Variants in BACH1 observed in about 807,000 individuals in gnomAD.
BACH1 encodes BTB domain and CNC homolog 1.
BACH1 carries 35 observed loss-of-function variants against 52.9 expected under a neutral mutation model. That is an observed-to-expected ratio of 0.66 (90% CI 0.51 to 0.88). The LOEUF (loss-of-function observed/expected upper bound fraction) is 0.88, where lower values mean the gene tolerates loss of function less well. Ranked by LOEUF, BACH1 falls within the 40% of genes least tolerant of loss-of-function variation. The pLI is 0.00. For synonymous variants in BACH1, 321 were observed against 319.6 expected (o/e 1.00, Z -0.05); for missense variants, 808 against 872.6 (o/e 0.93, Z 0.93).
At chr21:29,320,935 A>AGTAGGTG (rs1412293047) in intron 1 of BACH1, among the ~76,000 whole-genome samples, 14 of 152,270 alleles carry the variant, frequency 9.2e-5, no homozygotes, top group African/African-American at 3.4e-4. Context: ...GTTTGCTCAG[A>AGTAGGTG]GTAGGTGGTT....
chr21:29,336,104 A>G (rs1221032554), intron 4 of BACH1, among the ~76,000 whole-genome samples: 2 of 152,168 alleles, frequency 1.3e-5, no homozygotes, highest in African/African-American at 2.4e-5. Context: ...GGATACAGTC[A>G]TCGTATAATG....
At chr21:29,349,888 C>T (rs996155863), downstream of BACH1, among the ~76,000 whole-genome samples, 5 of 152,086 alleles carry the variant, frequency 3.3e-5, no homozygotes, top group African/African-American at 1.2e-4. Context: ...TGGCATTGAG[C>T]CAGTTAAACT....
chr21:29,321,645 C>CTTT (rs377229311), intron 2 of BACH1, 131 bp downstream of exon 2: 156 of 505,060 alleles, frequency 3.1e-4, no homozygotes, highest in South Asian at 1.7e-3. Flanking sequence ...TGTGCAACCC[C>CTTT]TTTTTTTTTT....
At chr21:29,348,770 T>G (rs1477796606), downstream of BACH1, among the ~76,000 whole-genome samples, 2 of 152,146 alleles carry the variant, frequency 1.3e-5, no homozygotes, top group African/African-American at 4.8e-5. Context: ...CCTAAGAAAG[T>G]TGCCTCCTAG....
At chr21:29,350,521 C>T (rs2089196401), downstream of BACH1, among the ~76,000 whole-genome samples, 1 of 152,140 alleles carries the variant, frequency 6.6e-6, no homozygotes, top group Non-Finnish European at 1.5e-5. Context: ...ACTTTTCCAC[C>T]CTTGGTTTCC....
chr21:29,300,855 TA>T (rs2123396723), intron 1 of BACH1: 1 of 152,358 alleles, frequency 6.6e-6, no homozygotes, highest in South Asian at 2.1e-4. Flanking sequence ...TGGGTGGAAT[TA>T]ATAGGTCTCA....
chr21:29,327,794 C>A (rs2088932113), intron 3 of BACH1, among the ~76,000 whole-genome samples: 1 of 152,128 alleles, frequency 6.6e-6, no homozygotes, highest in Non-Finnish European at 1.5e-5. Flanking sequence ...GCACTCCAGC[C>A]TAGGAGACAG....
intron 4 of BACH1, among the ~76,000 whole-genome samples, chr21:29,331,410 A>C (rs2096455102): frequency 1.3e-5 from 2 of 152,246 alleles, no homozygotes; most frequent in South Asian, 4.1e-4. Context: ...TTTATTTCGT[A>C]ACTTTATTTT....
At position 29,359,935 on chromosome 21, in the gene BACH1, G is replaced by T. The variant is rs532920338; in HGVS notation, c.472+30242G>T. Reference sequence around the variant, plus strand: ...TTCTCATTGCTTCCTCTGACCTATTGTTTATGTAAAAATGCAGATTCACTG... The same window carrying T: ...TTCTCATTGCTTCCTCTGACCTATTTTTTATGTAAAAATGCAGATTCACTG... On this transcript the variant is annotated intron_variant, in intron 2 of 4. Transcript: ENST00000422809. Among the ~76,000 whole-genome samples, 8 of 152,232 alleles carry T rather than the reference G, an allele frequency of 5.3e-5. 1 individual carries two copies. In the South Asian group the frequency reaches 1.7e-3, roughly 32 times the overall value.
chr21:29,348,238 T>TC (rs1363328823), downstream of BACH1, among the ~76,000 whole-genome samples: 3 of 152,170 alleles, frequency 2.0e-5, no homozygotes, highest in Non-Finnish European at 4.4e-5. Context: ...GAGTGGTTGT[T>TC]CCTACCGTGC....
Position 29,326,333 on chromosome 21 carries a change from TG to T in BACH1, c.511del (p.Glu171ArgfsTer42). On this transcript the variant is annotated frameshift_variant, in exon 3 of 5. Transcript: ENST00000286800. LOFTEE classifies it high-confidence loss of function. ...LDQRDLETDEVEEFLENKNVQ... is the reference protein window; with the variant it reads ...LDQRDLETDEXEEFLENKNVQ... Reference sequence around the variant, plus strand: ...CAGAGGGATCTAGAAACTGATGAAGTGGAGGAATTTCTGGAAAATAAAAATG... The same window carrying T: ...CAGAGGGATCTAGAAACTGATGAAGTGAGGAATTTCTGGAAAATAAAAATG... 1 of 1,614,184 alleles carries T rather than the reference TG, an allele frequency of 6.2e-7. No homozygotes were observed. The highest frequency in any genetic ancestry group is 1.1e-5 in the South Asian group (1 of 91,084).
At chr21:29,301,400 T>G (rs1465753877) in intron 1 of BACH1, among the ~76,000 whole-genome samples, 5 of 152,240 alleles carry the variant, frequency 3.3e-5, no homozygotes, top group Non-Finnish European at 7.3e-5. Context: ...TCAGTAACAT[T>G]CTTTCAACAA....
At chr21:29,320,818 G>A (rs953845292) in intron 1 of BACH1, among the ~76,000 whole-genome samples, 11 of 152,272 alleles carry the variant, frequency 7.2e-5, no homozygotes, top group Middle Eastern at 6.8e-3. Context: ...GACCTCTGGG[G>A]ACCTTCCTTC....
Position 29,342,825 on chromosome 21 carries a change from G to A in BACH1, c.2203G>A (p.Asp735Asn), listed in dbSNP as rs764007252. ...CQQMTDKCTT[D>N]E is the part of the protein sequence containing the mutation. ...GCAGATGACTGATAAATGTACTACT[G>A]ATGAGTAAACTTGCATTCACTTCCT... The change falls in exon 5 of 5, where the codon GAT becomes AAT. Residue 735 changes from aspartate (D) to asparagine (N), a missense_variant. By Grantham distance (23) the Asp-to-Asn change is conservative. Transcript: ENST00000286800. 1.3e-6 allele frequency: 2 copies of A among 1,581,834 alleles called. No homozygotes were observed. Among genetic ancestry groups the A allele is most frequent in the Non-Finnish European group, 8.6e-7 (1 of 1,160,026 alleles).
At chr21:29,357,057 C>T (rs779060072) in intron 2 of BACH1, among the ~76,000 whole-genome samples, 14 of 152,318 alleles carry the variant, frequency 9.2e-5, no homozygotes, top group Non-Finnish European at 2.1e-4. Flanking sequence ...GGGCGTTCCC[C>T]CAGAGGTTAG....
chr21:29,331,000 ATAGT>A lies in BACH1; in HGVS notation c.1776+1310_1776+1313del, dbSNP rs531050138. Among the ~76,000 whole-genome samples, 161 of 151,998 alleles carry A rather than the reference ATAGT, an allele frequency of 1.1e-3. 2 individuals carry two copies. Among genetic ancestry groups the A allele is most frequent in the Admixed American group, 0.01 (155 of 15,274 alleles). ...CCAAACACCGACATGATATTGCTGAATAGTTAAAATTGTTAAAACCAAGGAGGAA... is the reference window on the plus strand; with the variant it reads ...CCAAACACCGACATGATATTGCTGAATAAAATTGTTAAAACCAAGGAGGAA... On this transcript the variant is annotated intron_variant, in intron 4 of 4. Coordinates refer to ENST00000286800, the MANE Select transcript of BACH1 (RefSeq NM_001186.4).
chr21:29,346,967 C>T (rs1198203948), downstream of BACH1, among the ~76,000 whole-genome samples: 7 of 152,182 alleles, frequency 4.6e-5, no homozygotes, highest in Non-Finnish European at 1.0e-4. Context: ...AAGGCCCCCA[C>T]TTGAGTGTTC....
At chr21:29,319,730 G>A (rs937009282) in intron 1 of BACH1, among the ~76,000 whole-genome samples, 2 of 148,526 alleles carry the variant, frequency 1.3e-5, no homozygotes, top group African/African-American at 2.5e-5. Context: ...GGGAGCGTGG[G>A]TACAGGGACA....
intron 3 of BACH1, among the ~76,000 whole-genome samples, chr21:29,327,667 A>G (rs181940019): frequency 1.3e-5 from 2 of 152,282 alleles, no homozygotes; most frequent in East Asian, 1.9e-4. Context: ...CCGTCTCTAC[A>G]AAAATTAGCT....
Sources: gnomAD v4.1 joint callset for allele counts (sites outside exome capture counted in the v4.1 genomes callset) on GRCh38, gnomAD v4.1.1 for gene constraint, MANE v1.5 for transcripts, NCBI Gene and HGNC (gene_info 2026-07-23, HGNC 2026-07-21) for gene names.